The following BTD variants were observed in gnomAD, a reference collection of about 807,000 sequenced individuals.
The protein encoded by BTD is biocytinase.
In BTD, 13 loss-of-function variants were observed where a neutral mutation model predicts 17.7. The observed-to-expected ratio is 0.74, with a 90% confidence interval of 0.48 to 1.17. The LOEUF (loss-of-function observed/expected upper bound fraction) is 1.17. Among genes scored for constraint, BTD ranks in the 50% most tolerant of loss-of-function variants. BTD has a pLI of 0.00. For missense variants in BTD, 674 were observed against 650.4 expected (o/e 1.04, Z -0.39); for synonymous variants, 240 against 245.2 (o/e 0.98, Z 0.20).
At chr3:15,682,722 A>C (rs1315815375) in intron 3 of BTD, among the ~76,000 whole-genome samples, 1 of 152,224 alleles carries the variant, frequency 6.6e-6, no homozygotes, top group African/African-American at 2.4e-5. Context: ...GCTGTACAAT[A>C]ATTACTAGTT....
chr3:15,606,005 T>C (rs2064438625), intron 1 of BTD, among the ~76,000 whole-genome samples: 1 of 138,532 alleles, frequency 7.2e-6, no homozygotes, highest in African/African-American at 2.8e-5. Context: ...ATTGCACCAC[T>C]GTACTCTAGC....
At chr3:15,620,576 A>T (rs1051699289) in intron 1 of BTD, among the ~76,000 whole-genome samples, 2 of 152,248 alleles carry the variant, frequency 1.3e-5, no homozygotes, top group Non-Finnish European at 2.9e-5. Flanking sequence ...CATGTTTTAC[A>T]ATCAATTTGT....
rs931639501 is a variant in BTD at position 15,646,484 on chromosome 3, A to T, written c.*996A>T. On this transcript the variant is annotated 3_prime_UTR_variant, in exon 4 of 4. Transcript: ENST00000643237. ...GGTGGCCCACTTTAGTCATGCATTT[A>T]TTCAATCACCCAACAGGCACAGAGC... is the stretch of plus-strand genomic sequence containing the variant. 24 of 152,232 alleles carry T rather than the reference A, an allele frequency of 1.6e-4. No individual in the cohort carries two copies. Among genetic ancestry groups the T allele is most frequent in the Admixed American group, 1.4e-3 (21 of 15,272 alleles). The allele number at this position is 152,232 out of a possible 1,614,324, so 9.4% of individuals were successfully genotyped here. A position where few individuals can be genotyped will look rare whatever the true frequency, so the allele number is the denominator to read the frequency against.
intron 3 of BTD, among the ~76,000 whole-genome samples, chr3:15,703,354 CCCCACACCCATTCACATG>C (rs1402554644): frequency 1.3e-5 from 2 of 152,168 alleles, no homozygotes; most frequent in African/African-American, 4.8e-5. Context: ...GTTTATGTCC[CCCCACACCCATTCACATG>C]GTGAAATTCC....
intron 3 of BTD, among the ~76,000 whole-genome samples, chr3:15,672,221 T>C (rs2066445976): frequency 6.6e-6 from 1 of 151,542 alleles, no homozygotes; most frequent in Admixed American, 6.6e-5. Flanking sequence ...TCATGCTCAC[T>C]GCACCCTCAA....
At chr3:15,658,866 A>G (rs968047522) in intron 3 of BTD, among the ~76,000 whole-genome samples, 9 of 152,160 alleles carry the variant, frequency 5.9e-5, no homozygotes, top group African/African-American at 1.7e-4. Context: ...TCCCATTCAC[A>G]TTTGACAGAG....
In BTD at chr3:15,601,904, G is replaced by T; in HGVS notation, c.-17+10G>T. On this transcript the variant is annotated intron_variant, in intron 1 of 3. Transcript: ENST00000643237. ...GGCGCGCTAAGAGCAGGTACGGAGG[G>T]GGCGTGGTGCGGCGCGGAGGGGGTG... 1.2e-6 allele frequency: 2 copies of T among 1,613,608 alleles called. No homozygotes were observed. Among genetic ancestry groups the T allele is most frequent in the South Asian group, 1.1e-5 (1 of 91,046 alleles).
In BTD at chr3:15,696,332, A is replaced by C. The variant is rs565381238; in HGVS notation, c.400-13728A>C. ...AAGAGACTGAAATTAAAAACTGACA[A>C]TTTTTCTTATACTTGAGTAATATAA... On this transcript the variant is annotated intron_variant, in intron 3 of 3. Transcript: ENST00000672141. 103 of 805,812 alleles carry C rather than the reference A, an allele frequency of 1.3e-4. No individual in the cohort carries two copies. The African/African-American group carries it at 1.4e-3, about 11-fold the overall frequency. 49.9% of individuals were successfully genotyped at this position (805,812 alleles called of 1,614,324 possible). A position where few individuals can be genotyped will look rare whatever the true frequency, so the allele number is the denominator to read the frequency against.
chr3:15,662,220 A>C (rs960670917), intron 3 of BTD, among the ~76,000 whole-genome samples: 3 of 152,246 alleles, frequency 2.0e-5, no homozygotes, highest in Non-Finnish European at 4.4e-5. Flanking sequence ...AAGAACTGAC[A>C]TCTTAAAAAT....
At chr3:15,605,549 GTAT>G (rs1559574778) in intron 1 of BTD, among the ~76,000 whole-genome samples, 1 of 152,054 alleles carries the variant, frequency 6.6e-6, no homozygotes, top group Non-Finnish European at 1.5e-5. Flanking sequence ...TGCAGATTTT[GTAT>G]TATACTCTAG....
intron 3 of BTD, among the ~76,000 whole-genome samples, chr3:15,665,189 C>T (rs911413205): frequency 1.3e-5 from 2 of 152,166 alleles, no homozygotes; most frequent in Admixed American, 1.3e-4. Flanking sequence ...GAAATGGAGA[C>T]ATTTTTTAAG....
chr3:15,670,295 T>C, intron 3 of BTD: 1 of 1,613,804 alleles, frequency 6.2e-7, no homozygotes. Context: ...ATCGGAGTCG[T>C]TGAGCTCATC....
chr3:15,636,998 C>A (rs1289396563), intron 2 of BTD, among the ~76,000 whole-genome samples: 1 of 152,120 alleles, frequency 6.6e-6, no homozygotes, highest in African/African-American at 2.4e-5. Context: ...AACTTCTGAA[C>A]AGGTCTTCCT....
intron 3 of BTD, among the ~76,000 whole-genome samples, chr3:15,660,564 T>A (rs1417001234): frequency 6.6e-6 from 1 of 152,218 alleles, no homozygotes; most frequent in African/African-American, 2.4e-5. Context: ...ATACAATGTG[T>A]TGACACAGAA....
Position 15,645,368 on chromosome 3 carries a change from G to A in BTD, c.1452G>A (p.Met484Ile). 1 of 1,614,142 alleles carries A rather than the reference G, an allele frequency of 6.2e-7. No homozygotes were observed. The highest frequency in any genetic ancestry group is 8.5e-7 in the Non-Finnish European group (1 of 1,180,028). ...YIFPLFLTSG[M>I]TLEVPDQLGW... is the part of the protein sequence containing the mutation. ...TTCCTTTGTTTCTGACCTCAGGGATGACCCTAGAAGTCCCTGACCAGCTTG... is the reference window on the plus strand; with the variant it reads ...TTCCTTTGTTTCTGACCTCAGGGATAACCCTAGAAGTCCCTGACCAGCTTG... Residue 484 changes from methionine to isoleucine, a missense_variant, in exon 4 of 4, where the codon ATG (methionine) becomes ATA (isoleucine). Physicochemically the swap from Met to Ile is conservative, Grantham distance 10. Coordinates refer to ENST00000643237, the MANE Select transcript of BTD (RefSeq NM_001370658.1).
At chr3:15,658,956 T>C (rs2065897091) in intron 3 of BTD, among the ~76,000 whole-genome samples, 1 of 152,148 alleles carries the variant, frequency 6.6e-6, no homozygotes, top group Non-Finnish European at 1.5e-5. Context: ...TCCACAAATT[T>C]GACCACACAG....
chr3:15,709,567 A>C, intron 3 of BTD: 1 of 754,556 alleles, frequency 1.3e-6, no homozygotes, highest in Non-Finnish European at 2.2e-6. Context: ...ATCAGTGTAC[A>C]AGATGCTAAA....
intron 3 of BTD, among the ~76,000 whole-genome samples, chr3:15,701,647 A>T (rs1019353662): frequency 2.0e-5 from 3 of 152,136 alleles, no homozygotes; most frequent in Non-Finnish European, 2.9e-5. Flanking sequence ...TCCGTCTCAA[A>T]AAATAAATAA....
intron 2 of BTD, among the ~76,000 whole-genome samples, chr3:15,638,043 T>G (rs1169945654): frequency 6.6e-6 from 1 of 152,224 alleles, no homozygotes; most frequent in Non-Finnish European, 1.5e-5. Flanking sequence ...CAGCAGCACT[T>G]TTATTTTTCC....
Sources: allele counts gnomAD v4.1 joint callset (sites outside exome capture counted in the v4.1 genomes callset), GRCh38; gene constraint gnomAD v4.1.1; transcripts MANE v1.5; gene names NCBI Gene and HGNC (gene_info 2026-07-23, HGNC 2026-07-21).